ADAMTS20: variants seen among roughly 807,000 people sequenced by gnomAD.
ADAMTS20 encodes ADAM metallopeptidase with thrombospondin type 1 motif 20, also known as A disintegrin and metalloproteinase with thrombospondin motifs 20.
In ADAMTS20, 225 loss-of-function variants were observed where a neutral mutation model predicts 260.1. That is an observed-to-expected ratio of 0.87 (90% CI 0.78 to 0.97). The LOEUF (loss-of-function observed/expected upper bound fraction) is 0.97. Among genes scored for constraint, ADAMTS20 ranks in the 50% least tolerant of loss-of-function variants. The pLI, the probability that ADAMTS20 is intolerant of heterozygous loss-of-function variation, is 0.00. For missense variants in ADAMTS20, 2,400 were observed against 2,337.7 expected (o/e 1.03, Z -0.55); for synonymous variants, 802 against 769.5 (o/e 1.04, Z -0.70).
At chr12:43,480,003 T>C (rs1258899768) in intron 7 of ADAMTS20, among the ~76,000 whole-genome samples, 3 of 152,090 alleles carry the variant, frequency 2.0e-5, no homozygotes, top group Non-Finnish European at 4.4e-5. Flanking sequence ...GAAAATGCTA[T>C]GAAAATCATT....
At chr12:43,472,842 A>C (rs1942288535) in intron 7 of ADAMTS20, among the ~76,000 whole-genome samples, 1 of 150,674 alleles carries the variant, frequency 6.6e-6, no homozygotes, top group African/African-American at 2.4e-5. Flanking sequence ...GGAAGCGCTA[A>C]ACATGGAAAG....
At position 43,551,512 on chromosome 12, in the gene ADAMTS20, C is replaced by T. The variant is rs1943516629; in HGVS notation, c.92-242G>A. ...CAAGCAAAGACCCTACCACTAATGG[C>T]CCTAAGCAACCCACTTCCTTCCCCA... is the stretch of plus-strand genomic sequence containing the variant. On this transcript the variant is annotated intron_variant, in intron 1 of 38. Transcript: ENST00000389420. This position sits in a 1 kb window ranked among gnomAD's most constrained non-coding sequence, Gnocchi z 4.6. 6.6e-6 allele frequency among the ~76,000 whole-genome samples: 1 copy of T among 152,150 alleles called. No individual in the cohort carries two copies.
Position 43,377,447 on chromosome 12 carries a change from G to A in ADAMTS20, c.4913C>T (p.Pro1638Leu), listed in dbSNP as rs1940253995. The change falls in exon 32 of 39, where the codon CCT (proline) becomes CTT (leucine). Residue 1638 changes from proline to leucine, a missense_variant. Physicochemically the swap from Pro to Leu is moderately conservative, Grantham distance 98 (BLOSUM62 -3). Transcript: ENST00000389420. ...RLRPIVYQEC[P>L]VVPSSQVYQC... is the part of the protein sequence containing the mutation. ...GTAAACCTGAGAGGAAGGCACCACA[G>A]GGCATTCTTGATAAACTATAGGCCG... The A allele has an allele frequency of 6.2e-7, 1 of 1,613,470 alleles. No homozygotes were observed. The highest frequency in any genetic ancestry group is 8.5e-7 in the Non-Finnish European group (1 of 1,179,712).
chr12:43,391,100 A>G (rs1218827651), intron 29 of ADAMTS20, among the ~76,000 whole-genome samples: 1 of 152,202 alleles, frequency 6.6e-6, no homozygotes, highest in Non-Finnish European at 1.5e-5. Flanking sequence ...TGGCGGTGTC[A>G]GTGTCTGGTG....
At chr12:43,528,090 A>G (rs764267051) in intron 3 of ADAMTS20, among the ~76,000 whole-genome samples, 5 of 151,982 alleles carry the variant, frequency 3.3e-5, no homozygotes, top group Non-Finnish European at 7.4e-5. Flanking sequence ...CTTTTACAAT[A>G]GCTGCAAAAA....
rs1329421895 is a variant in ADAMTS20, at chr12:43,452,509, C to T, written c.1942+5G>A. 1.2e-6 allele frequency: 2 copies of T among 1,609,372 alleles called. No individual in the cohort carries two copies. The highest frequency in any genetic ancestry group is 1.1e-5 in the South Asian group (1 of 90,518). ...TACATCAAAGAACCAGCATAATTTA[C>T]TTACTGCCACTGTATCTTGGAAGCC... is the stretch of plus-strand genomic sequence containing the variant. On this transcript the variant is annotated splice_donor_5th_base_variant and intron_variant, in intron 13 of 38. Transcript: ENST00000389420.
intron 7 of ADAMTS20, among the ~76,000 whole-genome samples, chr12:43,470,581 G>A (rs1942236955): frequency 6.6e-6 from 1 of 152,174 alleles, no homozygotes; most frequent in Non-Finnish European, 1.5e-5. Flanking sequence ...TTTAAAGATA[G>A]AATAAGGCAG....
intron 2 of ADAMTS20, among the ~76,000 whole-genome samples, chr12:43,536,480 TATA>T (rs924507741): frequency 6.0e-5 from 9 of 149,252 alleles, no homozygotes; most frequent in African/African-American, 2.2e-4. Flanking sequence ...TAAATAAAAA[TATA>T]ATAGAATATG....
At chr12:43,421,277 A>G (rs116523497) in intron 28 of ADAMTS20, among the ~76,000 whole-genome samples, 1,374 of 119,020 alleles carry the variant, frequency 0.012, 22 homozygotes, top group African/African-American at 0.041. Flanking sequence ...GCAAGCTTTC[A>G]TTTACAAAAA....
At position 43,466,677 on chromosome 12, in the gene ADAMTS20, G is replaced by A. The variant is rs779463831; in HGVS notation, c.1342C>T (p.Arg448Trp). The A allele has an allele frequency of 2.5e-5, 40 of 1,608,814 alleles. No individual in the cohort carries two copies. The highest frequency in any genetic ancestry group is 9.0e-5 in the East Asian group (4 of 44,594). ...TCTAGGAATTCAGTAACATATTTCC[G>A]ACTACAGTTTGACCAGCTCCAAGGA... ...MSPWSWSNCS[R>W]KYVTEFLDTG... The change falls in exon 9 of 39, where the codon CGG becomes TGG. Residue 448 changes from arginine (R) to tryptophan (W), a missense_variant. Transcript: ENST00000389420.
chr12:43,440,860 C>G (rs920394713), intron 16 of ADAMTS20, among the ~76,000 whole-genome samples: 1 of 152,062 alleles, frequency 6.6e-6, no homozygotes, highest in African/African-American at 2.4e-5. Context: ...GTCAGGAGAT[C>G]GAGATCATCC....
chr12:43,468,569 G>T, intron 8 of ADAMTS20, 31 bp downstream of exon 8: 2 of 1,281,306 alleles, frequency 1.6e-6, no homozygotes, highest in Non-Finnish European at 2.2e-6. Flanking sequence ...TAAATAGAAT[G>T]CACATTAAGG....
chr12:43,523,446 G>A (rs1943098590), intron 3 of ADAMTS20, among the ~76,000 whole-genome samples: 1 of 152,052 alleles, frequency 6.6e-6, no homozygotes, highest in South Asian at 2.1e-4. Context: ...GAACTCCCTT[G>A]GCCAGAACCA....
At chr12:43,508,649 A>G (rs963929141) in intron 3 of ADAMTS20, among the ~76,000 whole-genome samples, 1 of 152,152 alleles carries the variant, frequency 6.6e-6, no homozygotes, top group Non-Finnish European at 1.5e-5. Context: ...GCAGGTATAT[A>G]TATTTATGGG....
chr12:43,464,193 A>G (rs959075477), intron 10 of ADAMTS20, among the ~76,000 whole-genome samples: 1 of 152,138 alleles, frequency 6.6e-6, no homozygotes, highest in Non-Finnish European at 1.5e-5. Flanking sequence ...TATGTAAAGG[A>G]AAATGTACTC....
chr12:43,435,616 G>A (rs572039162), intron 18 of ADAMTS20, among the ~76,000 whole-genome samples: 6 of 147,000 alleles, frequency 4.1e-5, no homozygotes, highest in African/African-American at 1.5e-4. Context: ...ACTCCAGCCT[G>A]GGCAACAGAG....
At chr12:43,544,191 A>C (rs560810469) in intron 2 of ADAMTS20, among the ~76,000 whole-genome samples, 1 of 152,398 alleles carries the variant, frequency 6.6e-6, no homozygotes, top group East Asian at 1.9e-4. Flanking sequence ...GAATGAACTA[A>C]TAAATAGAAC....
intron 2 of ADAMTS20, among the ~76,000 whole-genome samples, chr12:43,539,415 T>C (rs1565587070): frequency 1.3e-4 from 20 of 152,200 alleles, no homozygotes. Flanking sequence ...TTAATGAAAT[T>C]CCATCAGACT....
Position 43,417,599 on chromosome 12 carries a change from G to A in ADAMTS20, c.4284+7915C>T, listed in dbSNP as rs191342159. 9.2e-5 allele frequency among the ~76,000 whole-genome samples: 14 copies of A among 152,224 alleles called. No individual in the cohort carries two copies. The East Asian group carries it at 2.3e-3, about 25-fold the overall frequency. ...TTCCAATACTGACTCCAATTTATAAGGTTTGAGAGATCTTATTGAACATAT... is the reference window on the plus strand; with the variant it reads ...TTCCAATACTGACTCCAATTTATAAAGTTTGAGAGATCTTATTGAACATAT... On this transcript the variant is annotated intron_variant, in intron 28 of 38. Coordinates refer to ENST00000389420, the MANE Select transcript of ADAMTS20 (RefSeq NM_025003.5).
Sources: allele counts gnomAD v4.1 joint callset (sites outside exome capture counted in the v4.1 genomes callset), GRCh38; gene constraint gnomAD v4.1.1; non-coding constraint Gnocchi (gnomAD v3.1); transcripts MANE v1.5; gene names NCBI Gene and HGNC (gene_info 2026-07-23, HGNC 2026-07-21).